The following RPS6KC1 variants were observed in gnomAD, a reference collection of about 807,000 sequenced individuals.
RPS6KC1 encodes the protein ribosomal protein S6 kinase C1, also known as inactive ribosomal protein S6 kinase delta-1.
In RPS6KC1, 54 loss-of-function variants were observed where a neutral mutation model predicts 103.8. That is an observed-to-expected ratio of 0.52 (90% CI 0.42 to 0.65). The LOEUF (loss-of-function observed/expected upper bound fraction) is 0.65. RPS6KC1 is among the 30% of genes least tolerant of loss of function. The pLI is 0.00. For missense variants in RPS6KC1, 1,151 were observed against 1,253.8 expected (o/e 0.92, Z 1.24); for synonymous variants, 439 against 438.7 (o/e 1.00, Z -0.01).
the RPS6KC1 span, among the ~76,000 whole-genome samples, chr1:213,477,240 A>T: frequency 1.3e-5 from 2 of 152,202 alleles, no homozygotes; most frequent in East Asian, 3.8e-4. Context: ...ATAACTTTTT[A>T]AAAATGTTCC....
chr1:213,105,435 AT>A (rs2082394135), intron 4 of RPS6KC1, among the ~76,000 whole-genome samples: 1 of 152,008 alleles, frequency 6.6e-6, no homozygotes, highest in African/African-American at 2.4e-5. Context: ...TTCTTAGCCT[AT>A]ATAACCAGTG....
At chr1:213,761,470 A>G in the RPS6KC1 span, among the ~76,000 whole-genome samples, 11 of 152,308 alleles carry the variant, frequency 7.2e-5, no homozygotes, top group East Asian at 2.1e-3. Context: ...GATCAGATGG[A>G]AAGGATTCCA....
the RPS6KC1 span, among the ~76,000 whole-genome samples, chr1:213,293,467 A>G: frequency 6.6e-6 from 1 of 152,134 alleles, no homozygotes; most frequent in African/African-American, 2.4e-5. Context: ...TTTTGAGAAG[A>G]GTAGGTGGCA....
chr1:213,193,625 G>GA (rs1292241024), intron 8 of RPS6KC1, among the ~76,000 whole-genome samples: 2 of 151,558 alleles, frequency 1.3e-5, no homozygotes, highest in Non-Finnish European at 2.9e-5. Context: ...GAGGTCTATA[G>GA]TTTTTTTTAG....
rs2076925369 is a variant in RPS6KC1 at position 213,051,347 on chromosome 1, C to G, written c.-58C>G. 2.2e-6 allele frequency: 3 copies of G among 1,377,848 alleles called. No homozygotes were observed. In the East Asian group the frequency reaches 7.0e-5, roughly 32 times the overall value. The allele number at this position is 1,377,848 out of a possible 1,614,324, so 85.4% of individuals were successfully genotyped here. On this transcript the variant is annotated 5_prime_UTR_variant, in exon 1 of 15. Transcript: ENST00000366960. ...CGTTGGGGAACCTGGACCGCGGCGG[C>G]GCCGGGTTTCCCTCATGATCCCGGG...
At chr1:213,198,861 C>T (rs926989411) in intron 8 of RPS6KC1, among the ~76,000 whole-genome samples, 4 of 152,102 alleles carry the variant, frequency 2.6e-5, no homozygotes, top group Admixed American at 2.0e-4. Context: ...TATTCTATTA[C>T]CAGTTTTTAA....
chr1:213,302,318 A>G, the RPS6KC1 span, among the ~76,000 whole-genome samples: 1 of 152,184 alleles, frequency 6.6e-6, no homozygotes, highest in Middle Eastern at 3.4e-3. Flanking sequence ...TTCTGCAGCT[A>G]TTGTGTTCAT....
At chr1:213,636,472 ACT>A in the RPS6KC1 span, among the ~76,000 whole-genome samples, 1 of 152,070 alleles carries the variant, frequency 6.6e-6, no homozygotes, top group South Asian at 2.1e-4. Flanking sequence ...CACATCTACA[ACT>A]CTCTGATCTT....
chr1:213,111,405 T>C (rs528561756), intron 4 of RPS6KC1, among the ~76,000 whole-genome samples: 1 of 152,338 alleles, frequency 6.6e-6, no homozygotes, highest in East Asian at 1.9e-4. Context: ...AGTTTAAAAT[T>C]AGGATTGTGG....
the RPS6KC1 span, among the ~76,000 whole-genome samples, chr1:213,695,287 T>C: frequency 4.6e-5 from 7 of 152,198 alleles, no homozygotes; most frequent in East Asian, 1.3e-3. Context: ...CTTAGAAATG[T>C]CTTGGGAGTA....
At chr1:213,593,470 A>C in the RPS6KC1 span, among the ~76,000 whole-genome samples, 7 of 152,204 alleles carry the variant, frequency 4.6e-5, no homozygotes, top group Admixed American at 4.6e-4. Context: ...TAATCAAGCA[A>C]CACACACATA....
At chr1:213,111,253 C>T (rs2083004620) in intron 4 of RPS6KC1, among the ~76,000 whole-genome samples, 1 of 152,086 alleles carries the variant, frequency 6.6e-6, no homozygotes, top group Admixed American at 6.6e-5. Context: ...TGCTGGATCT[C>T]CTCACTTAAC....
At chr1:213,319,329 A>AC in the RPS6KC1 span, among the ~76,000 whole-genome samples, 1 of 151,678 alleles carries the variant, frequency 6.6e-6, no homozygotes, top group African/African-American at 2.4e-5. Context: ...AAAAAAAAAA[A>AC]AAAGCTAGCA....
the RPS6KC1 span, among the ~76,000 whole-genome samples, chr1:213,529,507 C>T: frequency 3.9e-5 from 6 of 152,168 alleles, no homozygotes; most frequent in Non-Finnish European, 2.9e-5. Flanking sequence ...TCTTCAAAGT[C>T]ATACACATAC....
the RPS6KC1 span, among the ~76,000 whole-genome samples, chr1:213,686,532 T>G: frequency 1.3e-5 from 2 of 152,204 alleles, no homozygotes; most frequent in South Asian, 4.2e-4. Context: ...GTTCATGAAC[T>G]TCCTTATTTT....
chr1:213,313,567 TTTTG>T, the RPS6KC1 span, among the ~76,000 whole-genome samples: 1 of 152,204 alleles, frequency 6.6e-6, no homozygotes, highest in African/African-American at 2.4e-5. Context: ...GCTGTTTTGG[TTTTG>T]TTGTGTCCAT....
chr1:213,837,641 C>T, the RPS6KC1 span, among the ~76,000 whole-genome samples: 2 of 152,130 alleles, frequency 1.3e-5, no homozygotes, highest in Non-Finnish European at 2.9e-5. Flanking sequence ...AGCAGGCACC[C>T]TGCACTGGTT....
intron 8 of RPS6KC1, among the ~76,000 whole-genome samples, chr1:213,215,379 GA>G (rs2093632142): frequency 6.6e-6 from 1 of 152,210 alleles, no homozygotes; most frequent in Non-Finnish European, 1.5e-5. Context: ...GGGACTATGG[GA>G]AAAGACCAAA....
chr1:213,442,170 G>T, the RPS6KC1 span, among the ~76,000 whole-genome samples: 2 of 152,130 alleles, frequency 1.3e-5, no homozygotes, highest in Non-Finnish European at 2.9e-5. Context: ...AGAAAGCCAG[G>T]CAATTCTGAC....
Sources: allele counts gnomAD v4.1 joint callset (sites outside exome capture counted in the v4.1 genomes callset), GRCh38; gene constraint gnomAD v4.1.1; transcripts MANE v1.5; gene names NCBI Gene and HGNC (gene_info 2026-07-23, HGNC 2026-07-21).